Variants in NSMAF observed in about 807,000 individuals in gnomAD.
NSMAF encodes the protein protein FAN.
Under a neutral mutation model 134.9 loss-of-function variants are expected in NSMAF, and 90 were observed. The ratio of observed to expected loss-of-function variants is 0.67; its 90% CI spans 0.56 to 0.79. NSMAF has a LOEUF of 0.79. Among genes scored for constraint, NSMAF ranks in the 30% least tolerant of loss-of-function variants. The probability of loss-of-function intolerance (pLI) is 0.00; values close to 1 mark genes in which losing one functional copy is unlikely to be tolerated. For missense variants in NSMAF, 1,010 were observed against 1,119.0 expected (o/e 0.90, Z 1.39); for synonymous variants, 358 against 389.6 (o/e 0.92, Z 0.96).
intron 5 of NSMAF, among the ~76,000 whole-genome samples, chr8:58,632,838 C>T (rs1397092907): frequency 1.3e-5 from 2 of 152,206 alleles, no homozygotes; most frequent in African/African-American, 2.4e-5. Flanking sequence ...CCTGCTCCTT[C>T]CCAACTCTCT....
Position 58,623,757 on chromosome 8 carries a change from T to C in NSMAF, c.408A>G (p.Glu136=). 6.2e-7 allele frequency: 1 copy of C among 1,614,048 alleles called. No homozygotes were observed. The highest frequency in any genetic ancestry group is 8.5e-7 in the Non-Finnish European group (1 of 1,179,952). The change falls in exon 7 of 31, where the codon GAA becomes GAG. Residue 136 remains glutamate, a synonymous_variant. Transcript: ENST00000038176. ...CTTCCACTTTCCCGGGAACATCCAA[T>C]TCAAAAACATATTCCATTTTGCCCT... ...IERGKMEYVF[E]LDVPGKVEDV... is the part of the protein sequence containing the mutation.
chr8:58,623,625 T>G (rs996352602), intron 7 of NSMAF, 84 bp downstream of exon 7: 39 of 1,209,566 alleles, frequency 3.2e-5, no homozygotes, highest in Non-Finnish European at 4.1e-5. Flanking sequence ...AGATGATGAT[T>G]TGGGTAAGGT....
intron 25 of NSMAF, 91 bp from the exon 26 acceptor site, chr8:58,589,666 C>A: frequency 1.6e-6 from 2 of 1,227,662 alleles, no homozygotes; most frequent in East Asian, 2.7e-5. Flanking sequence ...TTGTTTCATT[C>A]TATACTTACT....
chr8:58,605,003 C>T (rs575312983), intron 12 of NSMAF, among the ~76,000 whole-genome samples: 43 of 152,248 alleles, frequency 2.8e-4, no homozygotes, highest in Admixed American at 7.2e-4. Flanking sequence ...CCTCGGCCTC[C>T]GAAAGTGCTG....
At chr8:58,646,008 T>C (rs1807443355) in intron 1 of NSMAF, among the ~76,000 whole-genome samples, 1 of 152,158 alleles carries the variant, frequency 6.6e-6, no homozygotes, top group African/African-American at 2.4e-5. Flanking sequence ...GCCACTGCAC[T>C]CCAGCCTAGG....
chr8:58,598,545 C>T (rs1002322031), intron 19 of NSMAF, among the ~76,000 whole-genome samples: 5 of 150,872 alleles, frequency 3.3e-5, no homozygotes, highest in Admixed American at 3.3e-4. Flanking sequence ...AAAAGAAACT[C>T]TGGGTCTTCC....
At chr8:58,604,242 GA>G (rs1806350764) in intron 12 of NSMAF, among the ~76,000 whole-genome samples, 1 of 152,038 alleles carries the variant, frequency 6.6e-6, no homozygotes, top group Non-Finnish European at 1.5e-5. Context: ...AAACCCCTCA[GA>G]AAAAGTATGA....
At chr8:58,656,016 C>CTT (rs143612297) in intron 1 of NSMAF, among the ~76,000 whole-genome samples, 1 of 150,664 alleles carries the variant, frequency 6.6e-6, no homozygotes, top group African/African-American at 2.5e-5. Context: ...CTATCTAAAT[C>CTT]TTTTTTTTGT....
chr8:58,625,620 C>G (rs910426873), intron 6 of NSMAF, among the ~76,000 whole-genome samples: 8 of 152,222 alleles, frequency 5.3e-5, no homozygotes, highest in Admixed American at 3.3e-4. Context: ...GTTTGATTAC[C>G]AAGCATGGAA....
chr8:58,588,671 T>A, intron 26 of NSMAF: 1 of 1,545,534 alleles, frequency 6.5e-7, no homozygotes, highest in Non-Finnish European at 8.8e-7. Context: ...GCCTTGTCCT[T>A]GGGCATGCAT....
At chr8:58,584,247 C>G in intron 30 of NSMAF, 47 bp from the exon 31 acceptor site, 1 of 1,389,682 alleles carries the variant, frequency 7.2e-7, no homozygotes, top group Non-Finnish European at 1.0e-6. Context: ...CCAGGAGGCA[C>G]CCAAAGATAA....
chr8:58,625,756 A>G (rs925755140), intron 6 of NSMAF, among the ~76,000 whole-genome samples: 2 of 152,034 alleles, frequency 1.3e-5, no homozygotes, highest in Non-Finnish European at 2.9e-5. Flanking sequence ...ATATTTTTTG[A>G]TTGGGGAGTT....
chr8:58,596,893 T>C (rs1806147728), intron 21 of NSMAF, among the ~76,000 whole-genome samples: 1 of 145,468 alleles, frequency 6.9e-6, no homozygotes, highest in South Asian at 2.1e-4. Context: ...ATGGCGCCAC[T>C]GCACTCCAGC....
chr8:58,597,283 C>T, intron 21 of NSMAF, 104 bp downstream of exon 21: 1 of 1,023,302 alleles, frequency 9.8e-7, no homozygotes, highest in Non-Finnish European at 1.5e-6. Flanking sequence ...ACACAATCAT[C>T]TCTAAGTAGC....
In NSMAF at chr8:58,590,849, C is replaced by G; in HGVS notation, c.2019+18G>C. 1.3e-6 allele frequency: 2 copies of G among 1,546,202 alleles called. No individual in the cohort carries two copies. Among genetic ancestry groups the G allele is most frequent in the Non-Finnish European group, 8.9e-7 (1 of 1,128,108 alleles). ...TACTACACGGATTTCTATCATAATA[C>G]TATTAAAATGAACTCACCATATTTG... On this transcript the variant is annotated intron_variant, in intron 24 of 30. Transcript: ENST00000038176.
At chr8:58,653,654 T>C in intron 1 of NSMAF, among the ~76,000 whole-genome samples, 1 of 151,848 alleles carries the variant, frequency 6.6e-6, no homozygotes, top group South Asian at 2.1e-4. Context: ...GAATACAAGT[T>C]AAAAAAAATA....
intron 10 of NSMAF, among the ~76,000 whole-genome samples, chr8:58,608,458 C>T (rs1244494395): frequency 1.3e-5 from 2 of 152,128 alleles, no homozygotes; most frequent in African/African-American, 2.4e-5. Flanking sequence ...CGTGGTCCTC[C>T]TCCCAAGTAG....
At chr8:58,622,641 C>T (rs974064016) in intron 9 of NSMAF, among the ~76,000 whole-genome samples, 30 of 152,224 alleles carry the variant, frequency 2.0e-4, no homozygotes, top group Admixed American at 8.5e-4. Context: ...GATCTGCCCA[C>T]CTCAGCCTCC....
rs1195624317 is a variant in NSMAF at position 58,597,402 on chromosome 8, T to C, written c.1777A>G (p.Met593Val). Residue 593 changes from methionine (M) to valine (V), a missense_variant, in exon 21 of 31, where the codon ATG (methionine) becomes GTG (valine). Physicochemically the swap from Met to Val is conservative, Grantham distance 21. Transcript: ENST00000038176. ...LSQTSSYNASMADSPGEESFE... is the reference protein window; with the variant it reads ...LSQTSSYNASVADSPGEESFE... ...CAAAATTTACCTGGGGAATCTGCCATAGAAGCATTATAACTGGAGGTCTGG... is the reference window on the plus strand; with the variant it reads ...CAAAATTTACCTGGGGAATCTGCCACAGAAGCATTATAACTGGAGGTCTGG... The C allele has an allele frequency of 1.9e-6, 3 of 1,614,110 alleles. No homozygotes were observed. The highest frequency in any genetic ancestry group is 1.3e-5 in the African/African-American group (1 of 75,052).
Sources: allele counts gnomAD v4.1 joint callset (sites outside exome capture counted in the v4.1 genomes callset), GRCh38; gene constraint gnomAD v4.1.1; transcripts MANE v1.5; gene names NCBI Gene and HGNC (gene_info 2026-07-23, HGNC 2026-07-21).